FGF14: variants seen among roughly 807,000 people sequenced by gnomAD.
FGF14 encodes the protein fibroblast growth factor 14, also known as fibroblast growth factor homologous factor 4.
In FGF14, 5 loss-of-function variants were observed where a neutral mutation model predicts 25.5. The observed-to-expected ratio is 0.20, with a 90% CI of 0.10 to 0.41. The LOEUF (loss-of-function observed/expected upper bound fraction) is 0.41, where lower values mean the gene tolerates loss of function less well. Among genes scored for constraint, FGF14 ranks in the 10% least tolerant of loss-of-function variants. FGF14 has a pLI of 1.00. For missense variants in FGF14, 222 were observed against 320.1 expected, an observed-to-expected ratio of 0.69 and a Z score of 2.34; for synonymous variants, 138 against 118.3, an observed-to-expected ratio of 1.17 and a Z score of -1.08.
At chr13:102,241,819 C>A (rs1010441816) in intron 1 of FGF14, among the ~76,000 whole-genome samples, 7 of 152,116 alleles carry the variant, frequency 4.6e-5, no homozygotes, top group African/African-American at 1.7e-4. Context: ...AGCTCTGATA[C>A]AGCAAATAGC....
intron 1 of FGF14, among the ~76,000 whole-genome samples, chr13:101,892,165 A>C (rs1267866321): frequency 6.6e-6 from 1 of 152,166 alleles, no homozygotes; most frequent in Non-Finnish European, 1.5e-5. Flanking sequence ...GATGCAAAAG[A>C]AGCATCTTTT....
At chr13:102,143,724 C>T (rs1451146950) in intron 1 of FGF14, among the ~76,000 whole-genome samples, 2 of 152,088 alleles carry the variant, frequency 1.3e-5, no homozygotes, top group African/African-American at 4.8e-5. Context: ...TAATTTAACC[C>T]CGAAGACACT....
intron 1 of FGF14, among the ~76,000 whole-genome samples, chr13:102,301,286 T>C (rs1398900680): frequency 2.0e-5 from 3 of 152,242 alleles, no homozygotes; most frequent in Non-Finnish European, 4.4e-5. Flanking sequence ...TAGTTCCTTA[T>C]ACATATTTAT....
intron 3 of FGF14, among the ~76,000 whole-genome samples, chr13:101,764,066 T>G (rs1205441252): frequency 6.6e-6 from 1 of 152,164 alleles, no homozygotes; most frequent in Non-Finnish European, 1.5e-5. Context: ...CAGAAGCTAG[T>G]AAGAAGTCTG....
chr13:101,992,371 C>G (rs532707769), intron 1 of FGF14, among the ~76,000 whole-genome samples: 13 of 152,062 alleles, frequency 8.5e-5, no homozygotes, highest in Non-Finnish European at 1.3e-4. Context: ...GCCATTGACT[C>G]CAGTTCCTTT....
chr13:101,734,454 C>T (rs2036035302), intron 3 of FGF14, among the ~76,000 whole-genome samples: 4 of 152,160 alleles, frequency 2.6e-5, no homozygotes, highest in Admixed American at 2.6e-4. Context: ...ATCTTTCTCT[C>T]TGGAATATAG....
At chr13:102,065,613 A>G (rs746032147) in intron 1 of FGF14, among the ~76,000 whole-genome samples, 32 of 152,126 alleles carry the variant, frequency 2.1e-4, no homozygotes, top group Admixed American at 2.6e-4. Flanking sequence ...TTTCTATAGC[A>G]CACATTGTAA....
At chr13:101,756,420 G>A (rs1210038320) in intron 3 of FGF14, among the ~76,000 whole-genome samples, 1 of 152,082 alleles carries the variant, frequency 6.6e-6, no homozygotes, top group African/African-American at 2.4e-5. Context: ...TAACCATTCA[G>A]TGTTCTAGAA....
chr13:101,804,682 A>G (rs2041099392), intron 3 of FGF14, among the ~76,000 whole-genome samples: 1 of 152,136 alleles, frequency 6.6e-6, no homozygotes, highest in Admixed American at 6.5e-5. Flanking sequence ...ACATATATAT[A>G]TATATACACA....
At chr13:102,146,309 AAATT>A (rs1390638703) in intron 1 of FGF14, among the ~76,000 whole-genome samples, 3 of 152,166 alleles carry the variant, frequency 2.0e-5, no homozygotes, top group African/African-American at 7.2e-5. Context: ...GGTGGCTGAC[AAATT>A]ATTTTGTGGG....
At chr13:102,169,234 T>G (rs2048145989) in intron 1 of FGF14, among the ~76,000 whole-genome samples, 1 of 151,968 alleles carries the variant, frequency 6.6e-6, no homozygotes, top group Non-Finnish European at 1.5e-5. Context: ...TTGGCCTTAC[T>G]TGTGCTTCCC....
chr13:102,286,686 T>A (rs1019523333), intron 1 of FGF14, among the ~76,000 whole-genome samples: 3 of 152,192 alleles, frequency 2.0e-5, no homozygotes, highest in African/African-American at 7.2e-5. Context: ...TACTGACTAA[T>A]GAATTATTTC....
Position 101,717,815 on chromosome 13 carries a change from C to CTTGATTCT in FGF14, c.*5008_*5015dup, listed in dbSNP as rs1444597127. The CTTGATTCT allele has an allele frequency of 6.6e-6, 1 of 152,114 alleles. No individual in the cohort carries two copies. The highest frequency in any genetic ancestry group is 1.5e-5 in the Non-Finnish European group (1 of 68,010). The allele number at this position is 152,114 out of a possible 1,614,324, so 9.4% of individuals were successfully genotyped here. On this transcript the variant is annotated 3_prime_UTR_variant, in exon 5 of 5. Transcript: ENST00000376143. ...CAGCCTCAGCTCCACTGGAACTGCC[C>CTTGATTCT]TTGATTCTCTATAGCTCATCACAAA...
rs1365693241 is a variant in FGF14, at chr13:101,753,270, TACACACACACACAGACACACACAGACAG to T, written c.409-26488_409-26461del. 5.7e-5 allele frequency among the ~76,000 whole-genome samples: 8 copies of T among 141,492 alleles called. No individual in the cohort carries two copies. The South Asian group carries it at 1.4e-3, about 24-fold the overall frequency. The allele number at this position is 141,492 out of a possible 152,430, so 92.8% of individuals were successfully genotyped here. On this transcript the variant is annotated intron_variant, in intron 3 of 4. Transcript: ENST00000376143. ...ATTCCATATATTATATATGATCAAA[TACACACACACACAGACACACACAGACAG>T]ACACACACACACACACACACACACA... is the stretch of plus-strand genomic sequence containing the variant.
intron 1 of FGF14, among the ~76,000 whole-genome samples, chr13:102,163,682 A>C (rs917768712): frequency 4.6e-5 from 7 of 152,114 alleles, no homozygotes; most frequent in Non-Finnish European, 8.8e-5. Flanking sequence ...ATTGAGGAAC[A>C]CAAAAGTATA....
intron 3 of FGF14, among the ~76,000 whole-genome samples, chr13:101,737,376 C>A (rs1251587720): frequency 1.3e-5 from 2 of 152,082 alleles, no homozygotes; most frequent in African/African-American, 4.8e-5. Flanking sequence ...GATATGATCA[C>A]AGTTTTAATT....
At chr13:102,061,372 C>T (rs1320695819) in intron 1 of FGF14, among the ~76,000 whole-genome samples, 2 of 152,350 alleles carry the variant, frequency 1.3e-5, no homozygotes, top group Admixed American at 1.3e-4. Flanking sequence ...GCCCTGCCAC[C>T]TGCCCGTCCA....
intron 1 of FGF14, among the ~76,000 whole-genome samples, chr13:102,257,782 A>C (rs965245542): frequency 6.6e-6 from 1 of 152,164 alleles, no homozygotes; most frequent in African/African-American, 2.4e-5. Flanking sequence ...CAAGCATTTG[A>C]CAAGGCTGAC....
At position 102,381,639 on chromosome 13, in the gene FGF14, G is replaced by A. The variant is rs74899560; in HGVS notation, c.208+19832C>T. Among the ~76,000 whole-genome samples, 1,215 of 152,150 alleles carry A rather than the reference G, an allele frequency of 8.0e-3. 13 individuals are homozygous for A. Among genetic ancestry groups the A allele is most frequent in the African/African-American group, 0.028 (1,158 of 41,510 alleles). On this transcript the variant is annotated intron_variant, in intron 1 of 4. Transcript: ENST00000376131. ...GCTAAAACATGTTCTAGTTTCAAGAGGATATTAATTTCTTGAAAGTGCTTA... is the reference window on the plus strand; with the variant it reads ...GCTAAAACATGTTCTAGTTTCAAGAAGATATTAATTTCTTGAAAGTGCTTA...
Sources: allele counts gnomAD v4.1 joint callset (sites outside exome capture counted in the v4.1 genomes callset), GRCh38; gene constraint gnomAD v4.1.1; transcripts MANE v1.5; gene names NCBI Gene and HGNC (gene_info 2026-07-23, HGNC 2026-07-21).